The following TNR variants were observed in gnomAD, a reference collection of about 807,000 sequenced individuals.
TNR encodes tenascin R.
A neutral mutation model predicts 150.4 loss-of-function variants in TNR; 45 were observed. The observed-to-expected ratio is 0.30, with a 90% CI of 0.24 to 0.38. TNR has a LOEUF of 0.38. Ranked by LOEUF, TNR falls within the 10% of genes least tolerant of loss-of-function variation. The pLI is 1.00. For missense variants in TNR, 1,544 were observed against 1,759.1 expected, an observed-to-expected ratio of 0.88 and a Z score of 2.19; for synonymous variants, 687 against 678.4, an observed-to-expected ratio of 1.01 and a Z score of -0.20.
At chr1:175,414,139 G>A (rs185182366) in intron 2 of TNR, among the ~76,000 whole-genome samples, 30 of 152,158 alleles carry the variant, frequency 2.0e-4, no homozygotes, top group African/African-American at 7.0e-4. Flanking sequence ...GAGAGGTAAG[G>A]ATACTCCTTA....
chr1:175,498,332 C>T (rs1300333318), intron 2 of TNR, among the ~76,000 whole-genome samples: 1 of 152,176 alleles, frequency 6.6e-6, no homozygotes, highest in African/African-American at 2.4e-5. Context: ...CTGTGTCACT[C>T]CCAGGGTGAG....
At position 175,582,239 on chromosome 1, in the gene TNR, A is replaced by C. The variant is rs138022750; in HGVS notation, c.-164-53870T>G. 8.7e-3 allele frequency among the ~76,000 whole-genome samples: 1,323 copies of C among 152,340 alleles called. 21 individuals carry two copies. The highest frequency in any genetic ancestry group is 0.029 in the African/African-American group (1,222 of 41,570). Reference sequence around the variant, plus strand: ...GCACCATAGAACCTCTTGAGAACCAAGACTTAGAGTATTGTTTTTGAGTTC... The same window carrying C: ...GCACCATAGAACCTCTTGAGAACCACGACTTAGAGTATTGTTTTTGAGTTC... On this transcript the variant is annotated intron_variant, in intron 1 of 22. Transcript: ENST00000367674.
rs1653678632 is a variant in TNR at position 175,400,937 on chromosome 1, AC to A, written c.976+2202del. On this transcript the variant is annotated intron_variant, in intron 4 of 22. Coordinates refer to ENST00000367674, the MANE Select transcript of TNR (RefSeq NM_003285.3). Reference sequence around the variant, plus strand: ...TTTAAAAAGCAGGCCTTAAGAGCAGACCTCCTGCAAATGAGTGGTGGCTCTA... The same window carrying A: ...TTTAAAAAGCAGGCCTTAAGAGCAGACTCCTGCAAATGAGTGGTGGCTCTA... 2.0e-5 allele frequency among the ~76,000 whole-genome samples: 3 copies of A among 152,178 alleles called. No individual in the cohort carries two copies. In the East Asian group the frequency reaches 5.8e-4, roughly 29 times the overall value.
intron 2 of TNR, among the ~76,000 whole-genome samples, chr1:175,461,364 C>A (rs970183269): frequency 6.6e-6 from 1 of 152,164 alleles, no homozygotes; most frequent in African/African-American, 2.4e-5. Flanking sequence ...AAATGTTTTA[C>A]CTCCCCTGGC....
chr1:175,583,298 C>T (rs1239365980), intron 1 of TNR, among the ~76,000 whole-genome samples: 2 of 152,168 alleles, frequency 1.3e-5, no homozygotes, highest in Admixed American at 6.5e-5. Flanking sequence ...GCTGAGCTGG[C>T]ATTGAAGCCT....
intron 1 of TNR, among the ~76,000 whole-genome samples, chr1:175,636,207 G>A (rs907431488): frequency 1.3e-5 from 2 of 152,160 alleles, no homozygotes; most frequent in African/African-American, 4.8e-5. Context: ...ACATCCAGCT[G>A]TCCAATATTA....
At chr1:175,613,948 C>T (rs1052727531) in intron 1 of TNR, among the ~76,000 whole-genome samples, 2 of 152,154 alleles carry the variant, frequency 1.3e-5, no homozygotes, top group Admixed American at 6.5e-5. Flanking sequence ...AAATATGAAC[C>T]CGGTCAAATC....
intron 1 of TNR, among the ~76,000 whole-genome samples, chr1:175,554,356 A>T (rs1454610012): frequency 6.6e-6 from 1 of 150,500 alleles, no homozygotes; most frequent in African/African-American, 2.5e-5. Flanking sequence ...AAAAAAAAAA[A>T]AAAGATATCC....
At chr1:175,470,460 G>T (rs932413415) in intron 2 of TNR, among the ~76,000 whole-genome samples, 1 of 152,036 alleles carries the variant, frequency 6.6e-6, no homozygotes, top group Admixed American at 6.6e-5. Flanking sequence ...GACTCCCATG[G>T]TATTTCCAGC....
chr1:175,373,273 TC>T (rs1652190119), intron 9 of TNR, among the ~76,000 whole-genome samples: 1 of 152,100 alleles, frequency 6.6e-6, no homozygotes, highest in Admixed American at 6.5e-5. Context: ...TAATATAGGG[TC>T]CCTCATAGAG....
chr1:175,511,352 A>AT (rs1467920830), intron 2 of TNR, among the ~76,000 whole-genome samples: 1 of 152,228 alleles, frequency 6.6e-6, no homozygotes, highest in African/African-American at 2.4e-5. Context: ...TGCCAAAGCT[A>AT]TTTTTTATTA....
rs1465254942 is a variant in TNR, at chr1:175,396,811, C to A, written c.977-4G>T. 1 of 1,611,276 alleles carries A rather than the reference C, an allele frequency of 6.2e-7. No homozygotes were observed. On this transcript the variant is annotated splice_polypyrimidine_tract_variant and splice_region_variant and intron_variant, in intron 4 of 22. Coordinates refer to ENST00000367674, the MANE Select transcript of TNR (RefSeq NM_003285.3). ...CGCAAGTCCTCTGGAGGGGCAACTACCGGGAGGCAATACACAGATAGCATG... is the reference window on the plus strand; with the variant it reads ...CGCAAGTCCTCTGGAGGGGCAACTAACGGGAGGCAATACACAGATAGCATG...
intron 1 of TNR, among the ~76,000 whole-genome samples, chr1:175,619,476 T>C (rs1344071011): frequency 6.6e-6 from 1 of 152,156 alleles, no homozygotes. Flanking sequence ...ACCTGATGTA[T>C]TGAGTAGAAC....
chr1:175,346,164 C>G (rs750697181), intron 18 of TNR, among the ~76,000 whole-genome samples: 28 of 152,118 alleles, frequency 1.8e-4, no homozygotes, highest in Non-Finnish European at 2.8e-4. Context: ...AAATCCATTA[C>G]TGAAAATTTA....
intron 2 of TNR, among the ~76,000 whole-genome samples, chr1:175,462,174 A>G (rs1656850146): frequency 1.3e-5 from 2 of 152,232 alleles, no homozygotes; most frequent in Admixed American, 1.3e-4. Context: ...TTTGGGGTTC[A>G]GTAATTCATC....
intron 2 of TNR, among the ~76,000 whole-genome samples, chr1:175,423,462 A>G (rs1226646103): frequency 2.0e-5 from 3 of 152,182 alleles, no homozygotes; most frequent in African/African-American, 7.2e-5. Flanking sequence ...GATGAGTACA[A>G]TTGCTTCATG....
chr1:175,664,385 C>T (rs1160161913), intron 1 of TNR, among the ~76,000 whole-genome samples: 1 of 152,064 alleles, frequency 6.6e-6, no homozygotes, highest in Non-Finnish European at 1.5e-5. Context: ...GCATCAGGTG[C>T]GATACATGTG....
intron 1 of TNR, among the ~76,000 whole-genome samples, chr1:175,552,716 A>G (rs1218421221): frequency 6.6e-6 from 1 of 152,170 alleles, no homozygotes; most frequent in Non-Finnish European, 1.5e-5. Context: ...GAGTCTTTCT[A>G]TTCTTTATCT....
At chr1:175,637,677 C>A (rs1375991810) in intron 1 of TNR, among the ~76,000 whole-genome samples, 2 of 152,180 alleles carry the variant, frequency 1.3e-5, no homozygotes, top group Non-Finnish European at 2.9e-5. Context: ...CAGGTATCAG[C>A]TAATCAATGG....
Sources: gnomAD v4.1 joint callset for allele counts (sites outside exome capture counted in the v4.1 genomes callset) on GRCh38, gnomAD v4.1.1 for gene constraint, MANE v1.5 for transcripts, NCBI Gene and HGNC (gene_info 2026-07-23, HGNC 2026-07-21) for gene names.